NUDT3: variants seen among roughly 807,000 people sequenced by gnomAD.
The protein encoded by NUDT3 is diphosphoinositol polyphosphate phosphohydrolase 1.
A neutral mutation model predicts 23.6 loss-of-function variants in NUDT3; 9 were observed. The ratio of observed to expected loss-of-function variants is 0.38; its 90% CI spans 0.23 to 0.66. The LOEUF (loss-of-function observed/expected upper bound fraction) is 0.66. Ranked by LOEUF, NUDT3 falls within the 30% of genes least tolerant of loss-of-function variation. The pLI, the probability that NUDT3 is intolerant of heterozygous loss-of-function variation, is 0.52. For synonymous variants in NUDT3, 86 were observed against 82.6 expected, an observed-to-expected ratio of 1.04 and a Z score of -0.22; for missense variants, 172 against 218.5, an observed-to-expected ratio of 0.79 and a Z score of 1.34.
At chr6:34,376,299 T>A (rs768645601) in intron 1 of NUDT3, among the ~76,000 whole-genome samples, 3 of 151,870 alleles carry the variant, frequency 2.0e-5, no homozygotes, top group Non-Finnish European at 4.4e-5. Context: ...GAGGCTGGAG[T>A]GCAGTGGCAC....
chr6:34,318,308 A>AT (rs1359545148), intron 2 of NUDT3, among the ~76,000 whole-genome samples: 1 of 152,142 alleles, frequency 6.6e-6, no homozygotes, highest in African/African-American at 2.4e-5. Flanking sequence ...TTGTAAAAAA[A>AT]TTTTTTAAAC....
chr6:34,373,236 G>A (rs1764862403), intron 1 of NUDT3, among the ~76,000 whole-genome samples: 1 of 147,288 alleles, frequency 6.8e-6, no homozygotes, highest in Admixed American at 6.9e-5. Flanking sequence ...CTGAGATCAC[G>A]CCACTGCACT....
rs1764462307 is a variant in NUDT3 at position 34,351,198 on chromosome 6, T to TTAAAAAAAAAAAAAAAAA, written c.100-9227_100-9226insTTTTTTTTTTTTTTTTTA. 1.2e-3 allele frequency among the ~76,000 whole-genome samples: 21 copies of TTAAAAAAAAAAAAAAAAA among 17,892 alleles called. 3 individuals carry two copies. The highest frequency in any genetic ancestry group is 2.7e-3 in the South Asian group (1 of 374). 11.7% of individuals were successfully genotyped at this position (17,892 alleles called of 152,430 possible). A position where few individuals can be genotyped will look rare whatever the true frequency, so the allele number is the denominator to read the frequency against. ...GACCTCGTCTCTACACTCCCCTGCC[T>TTAAAAAAAAAAAAAAAAA]AAAAAAAAAAAAAAAAAAAAAAAAA... On this transcript the variant is annotated intron_variant, in intron 1 of 4. Coordinates refer to ENST00000607016, the MANE Select transcript of NUDT3 (RefSeq NM_006703.4).
chr6:34,292,080 G>A (rs1047427833), intron 4 of NUDT3, among the ~76,000 whole-genome samples: 1 of 152,186 alleles, frequency 6.6e-6, no homozygotes, highest in African/African-American at 2.4e-5. Context: ...AGTATCACAA[G>A]TGTATGACTC....
chr6:34,317,190 G>C (rs945971326), intron 2 of NUDT3, among the ~76,000 whole-genome samples: 2 of 152,168 alleles, frequency 1.3e-5, no homozygotes, highest in African/African-American at 4.8e-5. Flanking sequence ...GCAGGTTTGG[G>C]GGAAGGCAGT....
intron 2 of NUDT3, among the ~76,000 whole-genome samples, chr6:34,323,164 G>T (rs1380179798): frequency 6.6e-6 from 1 of 151,942 alleles, no homozygotes; most frequent in Non-Finnish European, 1.5e-5. Flanking sequence ...GGGTGACAGG[G>T]TCATTAGAAG....
chr6:34,392,020 G>A (rs996014846), intron 1 of NUDT3, among the ~76,000 whole-genome samples: 2 of 152,170 alleles, frequency 1.3e-5, no homozygotes, highest in Non-Finnish European at 2.9e-5. Flanking sequence ...AAGCGCTCCG[G>A]CCACAAGCCG....
At chr6:34,377,281 T>G (rs1453695989) in intron 1 of NUDT3, among the ~76,000 whole-genome samples, 2 of 152,156 alleles carry the variant, frequency 1.3e-5, no homozygotes, top group Non-Finnish European at 2.9e-5. Context: ...GCAGTGGACA[T>G]GTCCACAGTT....
At position 34,288,103 on chromosome 6, in the gene NUDT3, G is replaced by A. The variant is rs1763360399; in HGVS notation, c.*650C>T. ...TGACTGGGAAATAGAGAAAGGACAG[G>A]GCAACCTGCCCAGCCACTAGCATCG... On this transcript the variant is annotated 3_prime_UTR_variant, in exon 5 of 5. Coordinates refer to ENST00000607016, the MANE Select transcript of NUDT3 (RefSeq NM_006703.4). 3 of 152,188 alleles carry A rather than the reference G, an allele frequency of 2.0e-5. No homozygotes were observed. Among genetic ancestry groups the A allele is most frequent in the East Asian group, 1.9e-4 (1 of 5,190 alleles). The allele number at this position is 152,188 out of a possible 1,614,324, so 9.4% of individuals were successfully genotyped here.
intron 1 of NUDT3, among the ~76,000 whole-genome samples, chr6:34,391,779 A>C (rs2113776218): frequency 7.0e-6 from 1 of 143,650 alleles, no homozygotes; most frequent in East Asian, 2.1e-4. Context: ...GGGCTCACAG[A>C]CATATAATCC....
intron 2 of NUDT3, among the ~76,000 whole-genome samples, chr6:34,339,469 G>A (rs1340544716): frequency 2.0e-5 from 3 of 152,128 alleles, no homozygotes; most frequent in Non-Finnish European, 4.4e-5. Context: ...ATCACCAGAG[G>A]TCCTATTAAA....
At chr6:34,300,489 G>A (rs1763582709) in intron 2 of NUDT3, among the ~76,000 whole-genome samples, 1 of 152,204 alleles carries the variant, frequency 6.6e-6, no homozygotes, top group Non-Finnish European at 1.5e-5. Context: ...GGTGCTGTAT[G>A]TTCAACAGCT....
At chr6:34,318,575 A>G (rs1193550390) in intron 2 of NUDT3, among the ~76,000 whole-genome samples, 1 of 152,212 alleles carries the variant, frequency 6.6e-6, no homozygotes, top group Non-Finnish European at 1.5e-5. Flanking sequence ...AAGATTTCCT[A>G]TATTATTTTT....
chr6:34,299,523 C>G (rs1763565660), intron 2 of NUDT3, among the ~76,000 whole-genome samples: 1 of 151,724 alleles, frequency 6.6e-6, no homozygotes. Flanking sequence ...CTCCTGGGCT[C>G]AAGTGATCCT....
At chr6:34,300,497 GC>G (rs1763582876) in intron 2 of NUDT3, among the ~76,000 whole-genome samples, 1 of 152,194 alleles carries the variant, frequency 6.6e-6, no homozygotes, top group Non-Finnish European at 1.5e-5. Context: ...ATGTTCAACA[GC>G]TCCTTAGAGG....
At chr6:34,302,346 A>G (rs1052566783) in intron 2 of NUDT3, among the ~76,000 whole-genome samples, 3 of 151,974 alleles carry the variant, frequency 2.0e-5, no homozygotes, top group Non-Finnish European at 2.9e-5. Flanking sequence ...CTTGTCTTTT[A>G]CCCTTGTTTT....
chr6:34,330,512 T>C (rs1764111324), intron 2 of NUDT3, among the ~76,000 whole-genome samples: 5 of 152,204 alleles, frequency 3.3e-5, no homozygotes, highest in Non-Finnish European at 7.3e-5. Context: ...AAAATAAAAA[T>C]GGTGCTGGGC....
At chr6:34,361,925 G>A (rs1764657011) in intron 1 of NUDT3, among the ~76,000 whole-genome samples, 1 of 152,184 alleles carries the variant, frequency 6.6e-6, no homozygotes, top group South Asian at 2.1e-4. Context: ...TCTGTCTGGT[G>A]CATACATTTG....
At chr6:34,341,004 C>G (rs966859041) in intron 2 of NUDT3, among the ~76,000 whole-genome samples, 3 of 152,084 alleles carry the variant, frequency 2.0e-5, no homozygotes, top group Non-Finnish European at 2.9e-5. Flanking sequence ...GTTGTAAGTG[C>G]TTTTTTATAT....
Sources: allele counts gnomAD v4.1 joint callset (sites outside exome capture counted in the v4.1 genomes callset), GRCh38; gene constraint gnomAD v4.1.1; transcripts MANE v1.5; gene names NCBI Gene and HGNC (gene_info 2026-07-23, HGNC 2026-07-21).